Variants in SVEP1 observed in about 807,000 individuals in gnomAD.
SVEP1 encodes sushi, von Willebrand factor type A, EGF and pentraxin domain-containing protein 1.
SVEP1 carries 164 observed loss-of-function variants against 367.3 expected under a neutral mutation model. The ratio of observed to expected loss-of-function variants is 0.45; its 90% CI spans 0.39 to 0.51. The LOEUF (loss-of-function observed/expected upper bound fraction) is 0.51, where lower values mean the gene tolerates loss of function less well. Ranked by LOEUF, SVEP1 falls within the 20% of genes least tolerant of loss-of-function variation. The probability of loss-of-function intolerance (pLI) is 0.00; values close to 1 mark genes in which losing one functional copy is unlikely to be tolerated. For synonymous variants in SVEP1, 1,666 were observed against 1,611.6 expected (o/e 1.03, Z -0.81); for missense variants, 4,117 against 4,425.3 (o/e 0.93, Z 1.98).
intron 47 of SVEP1, among the ~76,000 whole-genome samples, chr9:110,366,902 CATTATG>C (rs1156749930): frequency 6.6e-6 from 1 of 152,204 alleles, no homozygotes; most frequent in African/African-American, 2.4e-5. Flanking sequence ...TATGGTTTTT[CATTATG>C]ATATTTGCTT....
intron 16 of SVEP1, among the ~76,000 whole-genome samples, chr9:110,470,494 G>A (rs1025255511): frequency 2.2e-4 from 33 of 151,846 alleles, no homozygotes; most frequent in South Asian, 6.3e-4. Context: ...GTGCAGTGGC[G>A]CAATCATAGC....
chr9:110,544,197 G>A (rs975039271), intron 3 of SVEP1, among the ~76,000 whole-genome samples: 3 of 152,174 alleles, frequency 2.0e-5, no homozygotes, highest in African/African-American at 4.8e-5. Flanking sequence ...AGACAGACAA[G>A]AGAACCACAT....
At chr9:110,461,966 G>A (rs529763540) in intron 18 of SVEP1, among the ~76,000 whole-genome samples, 6 of 152,130 alleles carry the variant, frequency 3.9e-5, no homozygotes, top group African/African-American at 1.4e-4. Flanking sequence ...TCAAGTTTCC[G>A]AGAGTGACTG....
At chr9:110,446,363 G>A (rs1828599934) in intron 25 of SVEP1, among the ~76,000 whole-genome samples, 1 of 152,162 alleles carries the variant, frequency 6.6e-6, no homozygotes, top group South Asian at 2.1e-4. Context: ...GAATGACTCA[G>A]TAGAGAGGAA....
Position 110,505,819 on chromosome 9 carries a change from CT to C in SVEP1, c.1304-2603del, listed in dbSNP as rs565499379. Among the ~76,000 whole-genome samples, 1,372 of 146,940 alleles carry C rather than the reference CT, an allele frequency of 9.3e-3. 14 individuals are homozygous for C. The highest frequency in any genetic ancestry group is 0.019 in the African/African-American group (758 of 39,998). The stretch of plus-strand genomic sequence containing the variant: ...CCTGATCTCTTATTTTCTTTTCTCT[CT>C]TTTTTTTTTTATTATACTTTTAAGT... On this transcript the variant is annotated intron_variant, in intron 5 of 47. Transcript: ENST00000374469.
intron 17 of SVEP1, among the ~76,000 whole-genome samples, chr9:110,466,699 T>G (rs1379401759): frequency 4.2e-5 from 5 of 120,358 alleles, no homozygotes; most frequent in African/African-American, 1.6e-4. Flanking sequence ...AGGCGGAGCT[T>G]GCAGTGAGCC....
chr9:110,553,228 A>G (rs1038676575), intron 1 of SVEP1, among the ~76,000 whole-genome samples: 3 of 152,168 alleles, frequency 2.0e-5, no homozygotes, highest in Non-Finnish European at 4.4e-5. Context: ...CGTCAACTAC[A>G]GGGAGGAAGG....
intron 3 of SVEP1, among the ~76,000 whole-genome samples, chr9:110,541,792 TATCTATATATATCTATATACATA>T (rs1830149396): frequency 6.9e-6 from 1 of 144,368 alleles, no homozygotes; most frequent in Admixed American, 7.0e-5. Context: ...TATACATAGA[TATCTATATATATCTATATACATA>T]GATATCTATA....
intron 27 of SVEP1, among the ~76,000 whole-genome samples, chr9:110,440,943 C>T (rs1828502201): frequency 6.6e-6 from 1 of 152,008 alleles, no homozygotes; most frequent in South Asian, 2.1e-4. Context: ...AGAGTTAGGC[C>T]ATAGGAATGC....
chr9:110,444,965 C>T (rs538485180), intron 26 of SVEP1, among the ~76,000 whole-genome samples: 14 of 152,126 alleles, frequency 9.2e-5, no homozygotes, highest in Non-Finnish European at 1.9e-4. Flanking sequence ...TAGTGAGATT[C>T]CCTTGGATTG....
chr9:110,498,261 T>C (rs1829481263), intron 7 of SVEP1, among the ~76,000 whole-genome samples: 1 of 152,242 alleles, frequency 6.6e-6, no homozygotes, highest in African/African-American at 2.4e-5. Context: ...TCAGGAGTTA[T>C]TTGTGGTCTA....
At chr9:110,472,416 T>TGTG in intron 14 of SVEP1, 93 bp from the exon 15 acceptor site, 2 of 1,286,566 alleles carry the variant, frequency 1.6e-6, no homozygotes, top group Non-Finnish European at 2.1e-6. Flanking sequence ...AAATTACACT[T>TGTG]GACCATTTCC....
chr9:110,542,197 C>T (rs1830159816), intron 3 of SVEP1, among the ~76,000 whole-genome samples: 1 of 152,036 alleles, frequency 6.6e-6, no homozygotes, highest in Non-Finnish European at 1.5e-5. Context: ...TGGGGGAAGA[C>T]AGCAGTGTGA....
intron 1 of SVEP1, among the ~76,000 whole-genome samples, chr9:110,572,191 T>C (rs1312320130): frequency 6.6e-6 from 1 of 152,202 alleles, no homozygotes; most frequent in African/African-American, 2.4e-5. Flanking sequence ...CTTAGCTATG[T>C]GATTTGTGTG....
At chr9:110,481,071 T>C (rs933523962) in intron 12 of SVEP1, among the ~76,000 whole-genome samples, 171 bp downstream of exon 12, 3 of 152,332 alleles carry the variant, frequency 2.0e-5, no homozygotes, top group Middle Eastern at 3.4e-3. Context: ...AAGACTTTAG[T>C]GACTAATATT....
intron 37 of SVEP1, among the ~76,000 whole-genome samples, chr9:110,409,872 T>TTGTTTATGCATTGCTTG (rs74279611): frequency 0.2 from 30,270 of 151,826 alleles, 3,209 homozygotes; most frequent in Middle Eastern, 0.26. Context: ...ATTACTCATT[T>TTGTTTATGCATTGCTTG]TGTTTATGCA....
At chr9:110,435,200 G>C (rs1399491011) in intron 29 of SVEP1, 41 bp downstream of exon 29, 3 of 1,605,264 alleles carry the variant, frequency 1.9e-6, no homozygotes, top group Non-Finnish European at 2.6e-6. Flanking sequence ...TCCCAGGGTG[G>C]TCAAGAGATA....
Position 110,429,475 on chromosome 9 carries a change from A to G in SVEP1, c.5616-141T>C. ...TTTTTCCTACTGAAATAATGCTTTTAAATTAATTTTTTTTTTCAAGATTGA... is the reference window on the plus strand; with the variant it reads ...TTTTTCCTACTGAAATAATGCTTTTGAATTAATTTTTTTTTTCAAGATTGA... On this transcript the variant is annotated intron_variant, in intron 34 of 47. Transcript: ENST00000374469. 3 of 456,008 alleles carry G rather than the reference A, an allele frequency of 6.6e-6. No homozygotes were observed. In the Admixed American group the frequency reaches 1.4e-4, roughly 21 times the overall value. 28.2% of individuals were successfully genotyped at this position (456,008 alleles called of 1,614,324 possible). A position where few individuals can be genotyped will look rare whatever the true frequency, so the allele number is the denominator to read the frequency against.
intron 20 of SVEP1, 94 bp from the exon 21 acceptor site, chr9:110,457,446 T>C (rs1169948528): frequency 6.3e-6 from 6 of 954,196 alleles, no homozygotes; most frequent in Non-Finnish European, 9.6e-6. Context: ...ATTAGACAGC[T>C]CGTTCCTCCT....
Sources: gnomAD v4.1 joint callset for allele counts (sites outside exome capture counted in the v4.1 genomes callset) on GRCh38, gnomAD v4.1.1 for gene constraint, MANE v1.5 for transcripts, NCBI Gene and HGNC (gene_info 2026-07-23, HGNC 2026-07-21) for gene names.